RAB11FIP3: variants seen among roughly 807,000 people sequenced by gnomAD.
The protein encoded by RAB11FIP3 is rab11 family-interacting protein 3.
Under a neutral mutation model 77.8 loss-of-function variants are expected in RAB11FIP3, and 17 were observed. That is an observed-to-expected ratio of 0.22 (90% CI 0.15 to 0.33). The LOEUF (loss-of-function observed/expected upper bound fraction) is 0.33. Among genes scored for constraint, RAB11FIP3 ranks in the 10% least tolerant of loss-of-function variants. The pLI is 1.00. For synonymous variants in RAB11FIP3, 437 were observed against 448.2 expected (o/e 0.98, Z 0.31); for missense variants, 1,005 against 1,011.2 (o/e 0.99, Z 0.08).
Position 519,773 on chromosome 16 carries a change from A to G in RAB11FIP3, c.1742A>G (p.Asp581Gly). 1 of 1,612,818 alleles carries G rather than the reference A, an allele frequency of 6.2e-7. No individual in the cohort carries two copies. The highest frequency in any genetic ancestry group is 2.2e-5 in the East Asian group (1 of 44,866). ...RLEEEKQKLLDEIESLTLRLS... is the reference protein window; with the variant it reads ...RLEEEKQKLLGEIESLTLRLS... ...CTGCAGGAGAAGCAGAAGCTGTTGG[A>G]TGAGATAGAGTCGCTGACGCTGCGG... Residue 581 changes from aspartate (D) to glycine (G), a missense_variant, in exon 11 of 14, where the codon GAT becomes GGT. Coordinates refer to ENST00000262305, the MANE Select transcript of RAB11FIP3 (RefSeq NM_014700.4).
At chr16:430,637 C>T (rs781651515) in intron 1 of RAB11FIP3, among the ~76,000 whole-genome samples, 1 of 152,110 alleles carries the variant, frequency 6.6e-6, no homozygotes, top group African/African-American at 2.4e-5. Context: ...TCACTGCAAC[C>T]TCCACCTCCT....
intron 2 of RAB11FIP3, among the ~76,000 whole-genome samples, chr16:470,092 G>A (rs1012927254): frequency 9.9e-5 from 15 of 151,974 alleles, no homozygotes; most frequent in Non-Finnish European, 2.2e-4. Flanking sequence ...CGCCTCCCAG[G>A]TTCAAGTGAT....
intron 1 of RAB11FIP3, among the ~76,000 whole-genome samples, chr16:433,727 G>A (rs2055080019): frequency 6.6e-6 from 1 of 151,730 alleles, no homozygotes; most frequent in African/African-American, 2.4e-5. Context: ...GTGGTTGCGG[G>A]CGCCTGTAGA....
chr16:427,003 G>T (rs1438551719), intron 1 of RAB11FIP3, among the ~76,000 whole-genome samples: 1 of 151,178 alleles, frequency 6.6e-6, no homozygotes, highest in Admixed American at 6.6e-5. Context: ...TCAGCTCCTC[G>T]CCTGGGGACA....
At chr16:477,325 T>C (rs1010258150) in intron 3 of RAB11FIP3, among the ~76,000 whole-genome samples, 1 of 152,196 alleles carries the variant, frequency 6.6e-6, no homozygotes, top group Non-Finnish European at 1.5e-5. Flanking sequence ...CCACACTTTT[T>C]AGAGTCAGCA....
rs1311715068 is a variant in RAB11FIP3 at position 482,584 on chromosome 16, G to A, written c.963G>A (p.Glu321=). ...CCGAGAGCACCTACAGTGAGTGTGA[G>A]ACCTTCACGGACGAGGACACCAGCA... is the stretch of plus-strand genomic sequence containing the variant. ...MGSESTYSEC[E]TFTDEDTSTL... The change falls in exon 4 of 14, where the codon GAG becomes GAA. Residue 321 remains glutamate (E), a synonymous_variant. Coordinates refer to ENST00000262305, the MANE Select transcript of RAB11FIP3 (RefSeq NM_014700.4). The A allele has an allele frequency of 6.2e-7, 1 of 1,613,624 alleles. No individual in the cohort carries two copies. Among genetic ancestry groups the A allele is most frequent in the Admixed American group, 1.7e-5 (1 of 60,032 alleles).
In RAB11FIP3 at chr16:510,916, CCCG is replaced by C. The variant is rs1468171106; in HGVS notation, c.1640+119_1640+121del. On this transcript the variant is annotated intron_variant, in intron 9 of 13. Transcript: ENST00000262305. Reference sequence around the variant, plus strand: ...GCCAGGTAGGCGAGGTTCCCGACAGCCCGCCAACCCCAGAACCTGCAGGCCAGG... The same window carrying C: ...GCCAGGTAGGCGAGGTTCCCGACAGCCCAACCCCAGAACCTGCAGGCCAGG... 6 of 1,321,406 alleles carry C rather than the reference CCCG, an allele frequency of 4.5e-6. No individual in the cohort carries two copies. In the Admixed American group the frequency reaches 1.6e-4, roughly 36 times the overall value. The allele number at this position is 1,321,406 out of a possible 1,614,324, so 81.9% of individuals were successfully genotyped here. A position where few individuals can be genotyped will look rare whatever the true frequency, so the allele number is the denominator to read the frequency against.
chr16:490,630 C>G (rs963347140), intron 5 of RAB11FIP3, among the ~76,000 whole-genome samples: 1 of 152,154 alleles, frequency 6.6e-6, no homozygotes, highest in Admixed American at 6.5e-5. Context: ...GGCTTTAACG[C>G]ACATCTTAAA....
intron 2 of RAB11FIP3, among the ~76,000 whole-genome samples, chr16:463,018 C>T (rs2141656434): frequency 6.6e-6 from 1 of 152,344 alleles, no homozygotes; most frequent in African/African-American, 2.4e-5. Context: ...TGCGTGTCTT[C>T]AAGTCCTTGG....
In RAB11FIP3 at chr16:505,470, G is replaced by A; in HGVS notation, c.1396-54G>A. The A allele has an allele frequency of 1.4e-6, 2 of 1,452,594 alleles. No homozygotes were observed. The highest frequency in any genetic ancestry group is 1.9e-6 in the Non-Finnish European group (2 of 1,062,050). The allele number at this position is 1,452,594 out of a possible 1,614,324, so 90.0% of individuals were successfully genotyped here. A position where few individuals can be genotyped will look rare whatever the true frequency, so the allele number is the denominator to read the frequency against. ...CCTCCCAGGTTGTTCCCTTGGGGGTGCAGGCCCTTCTGCTTCTGGCTGCCT... is the reference window on the plus strand; with the variant it reads ...CCTCCCAGGTTGTTCCCTTGGGGGTACAGGCCCTTCTGCTTCTGGCTGCCT... On this transcript the variant is annotated intron_variant, in intron 7 of 13. Transcript: ENST00000262305. This position sits in a 1 kb window ranked among gnomAD's most constrained non-coding sequence, Gnocchi z 4.0.
intron 9 of RAB11FIP3, among the ~76,000 whole-genome samples, chr16:513,426 C>T (rs1003605303): frequency 1.3e-5 from 2 of 152,086 alleles, no homozygotes; most frequent in African/African-American, 4.8e-5. Flanking sequence ...GCTGTGTTGC[C>T]CAGGCTGGTC....
intron 1 of RAB11FIP3, among the ~76,000 whole-genome samples, chr16:442,261 TC>T (rs1483316600): frequency 6.6e-6 from 1 of 152,240 alleles, no homozygotes; most frequent in Non-Finnish European, 1.5e-5. Flanking sequence ...TGCCTCAGCT[TC>T]CTGCGTAGGT....
In RAB11FIP3 at chr16:471,152, C is replaced by A. The variant is rs934016238; in HGVS notation, c.809-143C>A. ...TGGATTTCTCATGCTCACTCCCTTG[C>A]TTGTCTTGACCCCCCCCAGGGCCCC... is the stretch of plus-strand genomic sequence containing the variant. On this transcript the variant is annotated intron_variant, in intron 2 of 13. Transcript: ENST00000262305. The surrounding 1 kb of genome is among the most constrained non-coding windows in gnomAD (Gnocchi z 4.4). 1.4e-5 allele frequency: 9 copies of A among 658,818 alleles called. No homozygotes were observed. The African/African-American group carries it at 1.6e-4, about 12-fold the overall frequency. The allele number at this position is 658,818 out of a possible 1,614,324, so 40.8% of individuals were successfully genotyped here. A position where few individuals can be genotyped will look rare whatever the true frequency, so the allele number is the denominator to read the frequency against.
In RAB11FIP3 at chr16:471,450, C is replaced by T; in HGVS notation, c.903+61C>T. ...TGGCATCCACCTCTTCCTTTATGCCCTACAGCTCGTGCCTCCTGCCTCCGG... is the reference window on the plus strand; with the variant it reads ...TGGCATCCACCTCTTCCTTTATGCCTTACAGCTCGTGCCTCCTGCCTCCGG... On this transcript the variant is annotated intron_variant, in intron 3 of 13. Transcript: ENST00000262305. This position sits in a 1 kb window ranked among gnomAD's most constrained non-coding sequence, Gnocchi z 4.4. 7.3e-7 allele frequency: 1 copy of T among 1,373,080 alleles called. No homozygotes were observed. The highest frequency in any genetic ancestry group is 1.0e-6 in the Non-Finnish European group (1 of 981,010). The allele number at this position is 1,373,080 out of a possible 1,614,324, so 85.1% of individuals were successfully genotyped here.
chr16:442,889 G>A (rs2055250712), intron 1 of RAB11FIP3, among the ~76,000 whole-genome samples: 1 of 151,884 alleles, frequency 6.6e-6, no homozygotes, highest in Non-Finnish European at 1.5e-5. Context: ...TTTTTTTCCC[G>A]CTTGTTTACA....
chr16:465,912 G>T (rs1328446966), intron 2 of RAB11FIP3, among the ~76,000 whole-genome samples: 5 of 152,192 alleles, frequency 3.3e-5, no homozygotes, highest in Non-Finnish European at 7.3e-5. Context: ...GCCAGCAGTG[G>T]TTCATTTTCT....
intron 6 of RAB11FIP3, 69 bp from the exon 7 acceptor site, chr16:502,935 G>C (rs1048011039): frequency 8.1e-7 from 1 of 1,240,588 alleles, no homozygotes; most frequent in Non-Finnish European, 1.2e-6. Flanking sequence ...ACTTGGGAGT[G>C]CTTGTGCTGA....
chr16:471,164 C>A lies in RAB11FIP3; in HGVS notation c.809-131C>A, dbSNP rs549937611. 39 of 709,614 alleles carry A rather than the reference C, an allele frequency of 5.5e-5. No individual in the cohort carries two copies. The highest frequency in any genetic ancestry group is 5.0e-4 in the African/African-American group (28 of 56,290). 44.0% of individuals were successfully genotyped at this position (709,614 alleles called of 1,614,324 possible). On this transcript the variant is annotated intron_variant, in intron 2 of 13. Transcript: ENST00000262305. This position sits in a 1 kb window ranked among gnomAD's most constrained non-coding sequence, Gnocchi z 4.4. ...GCTCACTCCCTTGCTTGTCTTGACC[C>A]CCCCCAGGGCCCCCAACTCCCACAC...
chr16:491,149 C>T (rs201267811), intron 5 of RAB11FIP3: 421 of 1,302,420 alleles, frequency 3.2e-4, no homozygotes, highest in African/African-American at 1.9e-3. Context: ...ACCCTCTTGC[C>T]GCAAAGCTGC....
Sources: gnomAD v4.1 joint callset for allele counts (sites outside exome capture counted in the v4.1 genomes callset) on GRCh38, gnomAD v4.1.1 for gene constraint, Gnocchi (gnomAD v3.1) non-coding constraint, MANE v1.5 for transcripts, NCBI Gene and HGNC (gene_info 2026-07-23, HGNC 2026-07-21) for gene names.